The following CLASP1 variants were observed in gnomAD, a reference collection of about 807,000 sequenced individuals.
CLASP1 encodes cytoplasmic linker associated protein 1, also known as CLIP-associating protein 1.
In CLASP1, 38 loss-of-function variants were observed where a neutral mutation model predicts 192.3. That is an observed-to-expected ratio of 0.20 (90% CI 0.15 to 0.26). CLASP1 has a LOEUF of 0.26. CLASP1 is among the 10% of genes least tolerant of loss of function. CLASP1 has a pLI of 1.00. For missense variants in CLASP1, 1,433 were observed against 1,932.5 expected (o/e 0.74, Z 4.85); for synonymous variants, 691 against 712.8 (o/e 0.97, Z 0.49).
At chr2:121,399,711 G>A (rs2075861079) in intron 28 of CLASP1, among the ~76,000 whole-genome samples, 2 of 152,150 alleles carry the variant, frequency 1.3e-5, no homozygotes, top group African/African-American at 2.4e-5. Context: ...TCTTAAAGGG[G>A]CATCCAGGAA....
At chr2:121,387,705 AGG>A (rs2073559082) in intron 31 of CLASP1, 56 bp downstream of exon 32, 17 of 1,549,958 alleles carry the variant, frequency 1.1e-5, no homozygotes, top group Non-Finnish European at 1.3e-5. Flanking sequence ...GTTCTAGATA[AGG>A]GCTACGCAGA....
intron 1 of CLASP1, among the ~76,000 whole-genome samples, chr2:121,607,622 A>G (rs1036953571): frequency 6.6e-6 from 1 of 152,220 alleles, no homozygotes; most frequent in Non-Finnish European, 1.5e-5. Context: ...TTTTAAACCA[A>G]GAAGACCCAT....
intron 22 of CLASP1, 98 bp from the exon 23 acceptor site, chr2:121,418,827 G>A (rs951622971): frequency 5.8e-6 from 5 of 864,060 alleles, no homozygotes; most frequent in Non-Finnish European, 9.4e-6. Context: ...ATGTAATTAC[G>A]ACATTGTTCG....
At chr2:121,419,387 C>G (rs1224355523) in intron 22 of CLASP1, among the ~76,000 whole-genome samples, 1 of 152,132 alleles carries the variant, frequency 6.6e-6, no homozygotes, top group African/African-American at 2.4e-5. Context: ...TTATCCTTTC[C>G]TTTACTGATC....
At chr2:121,361,846 A>AT (rs2066467880) in intron 37 of CLASP1, among the ~76,000 whole-genome samples, 1 of 152,250 alleles carries the variant, frequency 6.6e-6, no homozygotes. Context: ...CAACCAAGCC[A>AT]GATTTTGGAA....
intron 37 of CLASP1, among the ~76,000 whole-genome samples, chr2:121,349,185 A>G (rs530776221): frequency 5.1e-4 from 78 of 152,098 alleles, no homozygotes; most frequent in African/African-American, 1.8e-3. Flanking sequence ...GCTTGCAGTG[A>G]GCCAAGATCG....
At chr2:121,482,298 C>T (rs1049179916) in intron 8 of CLASP1, among the ~76,000 whole-genome samples, 1 of 152,010 alleles carries the variant, frequency 6.6e-6, no homozygotes, top group Non-Finnish European at 1.5e-5. Flanking sequence ...CACTACTCTG[C>T]GAGTGTGCCC....
intron 9 of CLASP1, among the ~76,000 whole-genome samples, chr2:121,463,603 C>T (rs2088630125): frequency 6.6e-6 from 1 of 152,074 alleles, no homozygotes; most frequent in South Asian, 2.1e-4. Context: ...CACCATGTAC[C>T]CACATATACT....
At chr2:121,428,045 G>A (rs1016115726) in intron 20 of CLASP1, among the ~76,000 whole-genome samples, 1 of 152,194 alleles carries the variant, frequency 6.6e-6, no homozygotes, top group African/African-American at 2.4e-5. Flanking sequence ...TCACTGGCTA[G>A]TGTGGTCACT....
At chr2:121,409,109 T>C in intron 24 of CLASP1, 4 of 1,365,206 alleles carry the variant, frequency 2.9e-6, no homozygotes, top group African/African-American at 1.5e-5. Flanking sequence ...CAGAAGCATA[T>C]GTAGGGATTG....
chr2:121,456,091 A>T (rs2086598840), intron 14 of CLASP1, among the ~76,000 whole-genome samples: 1 of 152,198 alleles, frequency 6.6e-6, no homozygotes, highest in South Asian at 2.1e-4. Context: ...CAAAAAAATA[A>T]GTATGTGAGG....
rs1377866094 is a variant in CLASP1, at chr2:121,630,588, GC to G, written c.-286+18783del. On this transcript the variant is annotated intron_variant, in intron 1 of 39. Transcript: ENST00000263710. ...CAAACAAGAAATGAGAAGAGGCCGG[GC>G]ATGGTGGCTCACGCCTATAATCCCA... Among the ~76,000 whole-genome samples the G allele has an allele frequency of 2.6e-5, 4 of 152,296 alleles. No individual in the cohort carries two copies. The East Asian group carries it at 7.7e-4, about 29-fold the overall frequency.
Position 121,346,327 on chromosome 2 carries a change from G to A in CLASP1, c.4530+711C>T, listed in dbSNP as rs948366230. On this transcript the variant is annotated intron_variant, in intron 39 of 39. Coordinates refer to ENST00000263710, the Ensembl canonical transcript of CLASP1. Reference sequence around the variant, plus strand: ...GCCTCTCCTGCCACAGCATAAGGCCGGGTTTTTAATCTGCTCTCACCAGCC... The same window carrying A: ...GCCTCTCCTGCCACAGCATAAGGCCAGGTTTTTAATCTGCTCTCACCAGCC... Among the ~76,000 whole-genome samples the A allele has an allele frequency of 5.9e-5, 9 of 152,300 alleles. No homozygotes were observed. The South Asian group carries it at 8.3e-4, about 14-fold the overall frequency.
chr2:121,554,509 G>C (rs1467929859), intron 2 of CLASP1, among the ~76,000 whole-genome samples: 2 of 150,934 alleles, frequency 1.3e-5, no homozygotes, highest in Non-Finnish European at 3.0e-5. Flanking sequence ...ACTTGCCTGT[G>C]GTCCCAGCTA....
At chr2:121,522,871 A>AG in intron 6 of CLASP1, among the ~76,000 whole-genome samples, 1 of 152,366 alleles carries the variant, frequency 6.6e-6, no homozygotes. Flanking sequence ...TGAGTTTCTC[A>AG]GAAACCCACT....
At chr2:121,445,502 A>G in intron 19 of CLASP1, 1 of 1,287,724 alleles carries the variant, frequency 7.8e-7, no homozygotes, top group Non-Finnish European at 1.0e-6. Context: ...GGACTCTAGA[A>G]GTTTGGAAAA....
intron 36 of CLASP1, 70 bp from the exon 38 acceptor site, chr2:121,363,370 G>T: frequency 6.3e-7 from 1 of 1,583,106 alleles, no homozygotes; most frequent in Non-Finnish European, 8.6e-7. Context: ...CAGTCAGCAG[G>T]GTCGGCAAGG....
At chr2:121,424,133 G>C (rs572742699) in intron 22 of CLASP1, among the ~76,000 whole-genome samples, 1 of 151,504 alleles carries the variant, frequency 6.6e-6, no homozygotes, top group African/African-American at 2.4e-5. Context: ...CAAGAAATCT[G>C]GGGTGGCCAA....
At chr2:121,361,818 G>A (rs566927829) in intron 37 of CLASP1, among the ~76,000 whole-genome samples, 27 of 152,186 alleles carry the variant, frequency 1.8e-4, no homozygotes, top group Non-Finnish European at 3.2e-4. Context: ...TCAAATGTGA[G>A]TTATTATCAC....
Sources: gnomAD v4.1 joint callset for allele counts (sites outside exome capture counted in the v4.1 genomes callset) on GRCh38, gnomAD v4.1.1 for gene constraint, MANE v1.5 for transcripts, NCBI Gene and HGNC (gene_info 2026-07-23, HGNC 2026-07-21) for gene names.